The following TCF12 variants were observed in gnomAD, a reference collection of about 807,000 sequenced individuals.
TCF12 encodes DNA-binding protein HTF4.
A neutral mutation model predicts 86.0 loss-of-function variants in TCF12; 45 were observed. The observed-to-expected ratio is 0.52, with a 90% confidence interval of 0.41 to 0.67. The LOEUF (loss-of-function observed/expected upper bound fraction) is 0.67, where lower values mean the gene tolerates loss of function less well. Ranked by LOEUF, TCF12 falls within the 30% of genes least tolerant of loss-of-function variation. TCF12 has a pLI of 0.00. For missense variants in TCF12, 881 were observed against 859.9 expected (o/e 1.02, Z -0.31); for synonymous variants, 330 against 299.6 (o/e 1.10, Z -1.05).
At chr15:57,272,695 T>C (rs1048201684) in intron 18 of TCF12, among the ~76,000 whole-genome samples, 2 of 152,234 alleles carry the variant, frequency 1.3e-5, no homozygotes, top group African/African-American at 4.8e-5. Context: ...ATGCTGCTGA[T>C]TTGTGGATCA....
intron 6 of TCF12, among the ~76,000 whole-genome samples, chr15:57,187,587 G>C (rs1489599331): frequency 6.6e-6 from 1 of 152,152 alleles, no homozygotes; most frequent in Non-Finnish European, 1.5e-5. Context: ...CACATTCAAA[G>C]CCGTCCTGGG....
chr15:57,146,765 A>G (rs1245639502), intron 5 of TCF12, among the ~76,000 whole-genome samples: 1 of 152,212 alleles, frequency 6.6e-6, no homozygotes, highest in Admixed American at 6.5e-5. Context: ...CACAAATCAA[A>G]TGTGCTCTTA....
At chr15:57,121,178 C>T (rs2051201455) in intron 5 of TCF12, among the ~76,000 whole-genome samples, 1 of 152,190 alleles carries the variant, frequency 6.6e-6, no homozygotes, top group Non-Finnish European at 1.5e-5. Context: ...GGCTACATGA[C>T]TGACGTAGAA....
At chr15:57,270,007 A>G (rs777916565) in intron 18 of TCF12, among the ~76,000 whole-genome samples, 6 of 151,940 alleles carry the variant, frequency 3.9e-5, no homozygotes, top group Admixed American at 6.6e-5. Context: ...CTTCATTTCA[A>G]CCTTGGTGAA....
chr15:56,965,910 A>G (rs531429383), intron 3 of TCF12, among the ~76,000 whole-genome samples: 10 of 152,310 alleles, frequency 6.6e-5, no homozygotes, highest in African/African-American at 2.2e-4. Context: ...AAGAAGTAAT[A>G]TTTTATATTA....
intron 3 of TCF12, among the ~76,000 whole-genome samples, chr15:56,998,213 T>A (rs2063813637): frequency 6.6e-6 from 1 of 152,090 alleles, no homozygotes; most frequent in South Asian, 2.1e-4. Context: ...TCCCAGCACT[T>A]TGGGAGGCCT....
intron 8 of TCF12, among the ~76,000 whole-genome samples, chr15:57,210,663 A>G (rs1485999277): frequency 3.3e-5 from 5 of 152,146 alleles, no homozygotes; most frequent in Non-Finnish European, 7.4e-5. Flanking sequence ...AACAACAGTA[A>G]TACAGTTTGA....
At chr15:57,093,650 G>C (rs1038101810) in intron 5 of TCF12, among the ~76,000 whole-genome samples, 16 of 152,188 alleles carry the variant, frequency 1.1e-4, no homozygotes, top group Non-Finnish European at 1.8e-4. Flanking sequence ...CAATATATCT[G>C]TAATTCACTT....
intron 3 of TCF12, among the ~76,000 whole-genome samples, chr15:56,933,238 A>G (rs1284268604): frequency 2.0e-5 from 3 of 152,252 alleles, no homozygotes; most frequent in African/African-American, 4.8e-5. Flanking sequence ...AATGTTATCA[A>G]ACATACAGAA....
At chr15:57,020,083 C>A (rs1326950925) in intron 3 of TCF12, among the ~76,000 whole-genome samples, 1 of 152,190 alleles carries the variant, frequency 6.6e-6, no homozygotes, top group Non-Finnish European at 1.5e-5. Context: ...CTGTCATAAT[C>A]TTTGCAAAGG....
In TCF12 at chr15:57,231,208, A is replaced by G. The variant is rs780121502; in HGVS notation, c.636A>G (p.Pro212=). 8.1e-5 allele frequency: 131 copies of G among 1,613,138 alleles called. 1 individual carries two copies. The highest frequency in any genetic ancestry group is 1.1e-4 in the Non-Finnish European group (129 of 1,179,388). Residue 212 remains proline (P), a synonymous_variant, in exon 9 of 21, where the codon CCA becomes CCG. Transcript: ENST00000333725. ...TCAACCGTGAATCTCCTAGTTATCC[A>G]TCTCCTAAGCCACCAACCAGTATGT... The part of the protein sequence containing the change: ...DDFNRESPSY[P]SPKPPTSMFA...
intron 8 of TCF12, chr15:57,219,427 A>G: frequency 3.4e-6 from 5 of 1,460,478 alleles, no homozygotes; most frequent in East Asian, 2.4e-5. Flanking sequence ...GTGAATGCAT[A>G]GTACTGAAGA....
chr15:57,069,180 T>C (rs146606822), intron 4 of TCF12, among the ~76,000 whole-genome samples: 48 of 152,268 alleles, frequency 3.2e-4, no homozygotes, highest in African/African-American at 1.1e-3. Flanking sequence ...ATTGATACTC[T>C]TTTCTAAGAT....
At chr15:56,962,925 T>A (rs577066854) in intron 3 of TCF12, among the ~76,000 whole-genome samples, 249 of 152,232 alleles carry the variant, frequency 1.6e-3, no homozygotes, top group African/African-American at 5.8e-3. Context: ...TTTGATGAAG[T>A]TTATACAGAA....
At chr15:57,166,832 G>T (rs1412152280) in intron 6 of TCF12, among the ~76,000 whole-genome samples, 1 of 152,154 alleles carries the variant, frequency 6.6e-6, no homozygotes, top group African/African-American at 2.4e-5. Context: ...ATGTCAAACT[G>T]ATCATTAATA....
intron 3 of TCF12, among the ~76,000 whole-genome samples, chr15:57,017,383 A>G (rs1273003442): frequency 1.3e-5 from 2 of 152,246 alleles, no homozygotes; most frequent in Admixed American, 1.3e-4. Context: ...ATTTCTTGTA[A>G]ATGAAGATTT....
At chr15:57,094,315 G>C (rs1311604782) in intron 5 of TCF12, among the ~76,000 whole-genome samples, 1 of 152,154 alleles carries the variant, frequency 6.6e-6, no homozygotes, top group Non-Finnish European at 1.5e-5. Context: ...CTGGTCATTG[G>C]CAATATCTGA....
At chr15:57,251,077 G>A in intron 13 of TCF12, 1 of 329,506 alleles carries the variant, frequency 3.0e-6, no homozygotes, top group Non-Finnish European at 5.6e-6. Context: ...ATAGGCATGT[G>A]GACTAAGTCT....
chr15:57,270,090 T>A (rs1597793930), intron 18 of TCF12, among the ~76,000 whole-genome samples: 1 of 152,216 alleles, frequency 6.6e-6, no homozygotes, highest in Non-Finnish European at 1.5e-5. Flanking sequence ...TTTCCTGAAT[T>A]TGAATGTTGA....
Sources: gnomAD v4.1 joint callset for allele counts (sites outside exome capture counted in the v4.1 genomes callset) on GRCh38, gnomAD v4.1.1 for gene constraint, MANE v1.5 for transcripts, NCBI Gene and HGNC (gene_info 2026-07-23, HGNC 2026-07-21) for gene names.